SLC25A25: variants seen among roughly 807,000 people sequenced by gnomAD.
SLC25A25 encodes mitochondrial adenyl nucleotide antiporter SLC25A25.
Under a neutral mutation model 57.7 loss-of-function variants are expected in SLC25A25, and 32 were observed. The ratio of observed to expected loss-of-function variants is 0.55; its 90% CI spans 0.42 to 0.74. The LOEUF is 0.74. Among genes scored for constraint, SLC25A25 ranks in the 30% least tolerant of loss-of-function variants. SLC25A25 has a pLI of 0.00. For missense variants in SLC25A25, 556 were observed against 701.3 expected (o/e 0.79, Z 2.34); for synonymous variants, 306 against 291.2 (o/e 1.05, Z -0.52).
Position 128,101,667 on chromosome 9 carries a change from A to G in SLC25A25, c.476+271A>G, listed in dbSNP as rs1833800250. On this transcript the variant is annotated intron_variant, in intron 3 of 10. Coordinates refer to ENST00000373069, the MANE Select transcript of SLC25A25 (RefSeq NM_001330988.2). The surrounding 1 kb of genome is among the most constrained non-coding windows in gnomAD (Gnocchi z 4.9). ...TTTGGGGGTGGTTCAAATAGGTAAA[A>G]GGCCAGCAAGGAGCACCTGTGCGTG... 2.7e-5 allele frequency among the ~76,000 whole-genome samples: 3 copies of G among 111,964 alleles called. 1 individual carries two copies. The South Asian group carries it at 9.4e-4, about 35-fold the overall frequency. The allele number at this position is 111,964 out of a possible 152,430, so 73.5% of individuals were successfully genotyped here.
At chr9:128,085,619 G>A (rs1564182507) in intron 1 of SLC25A25, among the ~76,000 whole-genome samples, 2 of 151,880 alleles carry the variant, frequency 1.3e-5, no homozygotes, top group Non-Finnish European at 2.9e-5. Context: ...TCTTCTGCTT[G>A]CTTTGCATTT....
chr9:128,103,627 C>T lies in SLC25A25; in HGVS notation c.625-54C>T, dbSNP rs748530472. 10 of 1,612,682 alleles carry T rather than the reference C, an allele frequency of 6.2e-6. No individual in the cohort carries two copies. Among genetic ancestry groups the T allele is most frequent in the Non-Finnish European group, 8.5e-6 (10 of 1,179,068 alleles). ...CTAGAGGGTAGACGGCGACAGGTGCCAGCAGCCTTGCCCCAAGGGTCCTGA... is the reference window on the plus strand; with the variant it reads ...CTAGAGGGTAGACGGCGACAGGTGCTAGCAGCCTTGCCCCAAGGGTCCTGA... On this transcript the variant is annotated intron_variant, in intron 5 of 10. Transcript: ENST00000373069. This position sits in a 1 kb window ranked among gnomAD's most constrained non-coding sequence, Gnocchi z 6.7.
chr9:128,104,832 ATTATTATTATT>A (rs1356040586), intron 6 of SLC25A25, among the ~76,000 whole-genome samples: 22 of 968 alleles, frequency 0.023, no homozygotes, highest in African/African-American at 0.025. Flanking sequence ...ATTTTTAAAA[ATTATTATTATT>A]ATTATTATTA....
In SLC25A25 at chr9:128,103,763, T is replaced by C; in HGVS notation, c.707T>C (p.Leu236Pro). The C allele has an allele frequency of 6.2e-7, 1 of 1,614,048 alleles. No individual in the cohort carries two copies. Among genetic ancestry groups the C allele is most frequent in the South Asian group, 1.1e-5 (1 of 91,080 alleles). The change falls in exon 6 of 11, where the codon CTG (leucine) becomes CCG (proline). Residue 236 changes from leucine (L) to proline (P), a missense_variant. Leu to Pro is a moderately conservative substitution (Grantham distance 98). Around this residue, in one of 3 missense-constraint regions of SLC25A25, gnomAD observed 294 missense variants for 389.6 expected, o/e 0.75. Transcript: ENST00000373069. This position sits in a 1 kb window ranked among gnomAD's most constrained non-coding sequence, Gnocchi z 6.7. ...CAGACGGGGATGTGGTGGAGACACCTGGTGGCAGGAGGTGGGGCAGGGGCC... is the reference window on the plus strand; with the variant it reads ...CAGACGGGGATGTGGTGGAGACACCCGGTGGCAGGAGGTGGGGCAGGGGCC... ...ERQTGMWWRH[L>P]VAGGGAGAVS...
At chr9:128,079,809 G>T (rs917271337) in intron 1 of SLC25A25, among the ~76,000 whole-genome samples, 1 of 151,240 alleles carries the variant, frequency 6.6e-6, no homozygotes, top group Non-Finnish European at 1.5e-5. Flanking sequence ...TGGCCAACAT[G>T]GTGAAACCCC....
In SLC25A25 at chr9:128,098,849, T is replaced by TC; in HGVS notation, c.262-2244dup. The TC allele has an allele frequency of 8.6e-6, 13 of 1,509,288 alleles. 2 individuals are homozygous for TC. In the South Asian group the frequency reaches 1.6e-4, roughly 18 times the overall value. The allele number at this position is 1,509,288 out of a possible 1,614,324, so 93.5% of individuals were successfully genotyped here. A position where few individuals can be genotyped will look rare whatever the true frequency, so the allele number is the denominator to read the frequency against. ...GAATGTCTGAAATGTAGCAGTTTTT[T>TC]CCCATTGCCATGCGGCTATGGCCGG... On this transcript the variant is annotated intron_variant, in intron 1 of 10. Transcript: ENST00000373069.
intron 7 of SLC25A25, 126 bp downstream of exon 7, chr9:128,106,007 C>T (rs751977455): frequency 3.0e-5 from 46 of 1,525,852 alleles, no homozygotes; most frequent in Middle Eastern, 1.8e-4. Flanking sequence ...GACAGCAGGG[C>T]GAGGCAGGAG....
At chr9:128,100,839 T>G in intron 1 of SLC25A25, 1 of 484,674 alleles carries the variant, frequency 2.1e-6, no homozygotes, top group Non-Finnish European at 3.7e-6. Context: ...CCAGGCTCCT[T>G]GTTTCCTCTC....
chr9:128,075,501 A>G (rs999518367), intron 1 of SLC25A25, among the ~76,000 whole-genome samples: 1 of 139,876 alleles, frequency 7.1e-6, no homozygotes, highest in African/African-American at 3.0e-5. Context: ...TGGGCAACAT[A>G]GCGAGACCCC....
At chr9:128,090,536 C>T (rs11794401) in intron 1 of SLC25A25, among the ~76,000 whole-genome samples, 107,099 of 151,372 alleles carry the variant, frequency 0.71, 40,941 homozygotes, top group Non-Finnish European at 0.85. Flanking sequence ...TGGGGCCATG[C>T]GCGGTGGCTC....
intron 1 of SLC25A25, among the ~76,000 whole-genome samples, chr9:128,076,898 C>T (rs539018237): frequency 5.3e-5 from 8 of 152,296 alleles, no homozygotes; most frequent in African/African-American, 9.6e-5. Context: ...ATAAGCTCTC[C>T]GGAAGCATCC....
chr9:128,071,076 G>A (rs1210917045), intron 1 of SLC25A25, among the ~76,000 whole-genome samples: 3 of 152,146 alleles, frequency 2.0e-5, no homozygotes, highest in Non-Finnish European at 4.4e-5. Context: ...CATTGAGAAC[G>A]TCTGGCTGCG....
rs1833876878 is a variant in SLC25A25, at chr9:128,103,121, T to C, written c.625-560T>C. Among the ~76,000 whole-genome samples the C allele has an allele frequency of 6.6e-6, 1 of 152,170 alleles. No individual in the cohort carries two copies. Among genetic ancestry groups the C allele is most frequent in the African/African-American group, 2.4e-5 (1 of 41,446 alleles). On this transcript the variant is annotated intron_variant, in intron 5 of 10. Transcript: ENST00000373069. This position sits in a 1 kb window ranked among gnomAD's most constrained non-coding sequence, Gnocchi z 6.7. ...CCAGGGCTTGTTAGGTGAGATTAAA[T>C]GGACAGCTCCAGGGGTGGGAGTAGC...
chr9:128,106,955 C>T, intron 9 of SLC25A25, 74 bp from the exon 10 acceptor site: 5 of 1,543,118 alleles, frequency 3.2e-6, no homozygotes, highest in Non-Finnish European at 4.4e-6. Context: ...GCCTGAGGAC[C>T]CAGTAACAGC....
intron 1 of SLC25A25, chr9:128,092,073 C>A: frequency 6.2e-7 from 1 of 1,613,900 alleles, no homozygotes; most frequent in African/African-American, 1.3e-5. Context: ...GTTGGACCTG[C>A]AGAGCAGTTT....
chr9:128,098,457 CA>C lies in SLC25A25; in HGVS notation c.262-2637del, dbSNP rs1245469217. On this transcript the variant is annotated intron_variant, in intron 1 of 10. Coordinates refer to ENST00000373069, the MANE Select transcript of SLC25A25 (RefSeq NM_001330988.2). ...AGTAAAAGGGCAGGGCTTAAGCAGC[CA>C]ATGACAGCTGAGGCCAGGCTTGTCT... The C allele has an allele frequency of 2.1e-5, 31 of 1,482,356 alleles. No individual in the cohort carries two copies. The African/African-American group carries it at 3.7e-4, about 18-fold the overall frequency. 91.8% of individuals were successfully genotyped at this position (1,482,356 alleles called of 1,614,324 possible). A position where few individuals can be genotyped will look rare whatever the true frequency, so the allele number is the denominator to read the frequency against.
Position 128,101,322 on chromosome 9 carries a change from G to A in SLC25A25, c.402G>A (p.Ala134=), listed in dbSNP as rs558972121. 1.5e-5 allele frequency: 24 copies of A among 1,614,154 alleles called. No homozygotes were observed. The highest frequency in any genetic ancestry group is 2.7e-5 in the African/African-American group (2 of 74,958). ...LDKKNDGRID[A]QEIMQSLRDL... ...CTGTTCTTGCAGGACGCATTGACGC[G>A]CAGGAGATCATGCAGTCCCTGCGGG... The change falls in exon 3 of 11, where the codon GCG becomes GCA. Residue 134 remains alanine, a synonymous_variant. Transcript: ENST00000373069. The surrounding 1 kb of genome is among the most constrained non-coding windows in gnomAD (Gnocchi z 4.9).
In SLC25A25 at chr9:128,106,375, T is replaced by C. The variant is rs1338713801; in HGVS notation, c.1067T>C (p.Leu356Pro). The C allele has an allele frequency of 1.9e-6, 3 of 1,613,730 alleles. No homozygotes were observed. The stretch of plus-strand genomic sequence containing the variant: ...CAGGTCCTGAAGACCCGGATGGCGC[T>C]GCGGAAGACAGGCCAGTACTCAGGA... Reference protein sequence around the residue: ...PMEVLKTRMALRKTGQYSGML... With the variant: ...PMEVLKTRMAPRKTGQYSGML... Residue 356 changes from leucine (L) to proline (P), a missense_variant, in exon 9 of 11, where the codon CTG becomes CCG. This residue lies in a region of SLC25A25 where 294 missense variants were observed against 389.6 expected (regional missense o/e 0.75). Coordinates refer to ENST00000373069, the MANE Select transcript of SLC25A25 (RefSeq NM_001330988.2).
intron 1 of SLC25A25, among the ~76,000 whole-genome samples, chr9:128,093,793 A>G (rs1833481263): frequency 6.6e-6 from 1 of 152,218 alleles, no homozygotes; most frequent in Non-Finnish European, 1.5e-5. Flanking sequence ...TCACTGGCTG[A>G]TTGGGGCTGG....
Sources: gnomAD v4.1 joint callset for allele counts (sites outside exome capture counted in the v4.1 genomes callset) on GRCh38, gnomAD v4.1.1 for gene constraint, gnomAD v4.1.1 regional missense constraint, Gnocchi (gnomAD v3.1) non-coding constraint, MANE v1.5 for transcripts, NCBI Gene and HGNC (gene_info 2026-07-23, HGNC 2026-07-21) for gene names.